HP1BP3: variants seen among roughly 807,000 people sequenced by gnomAD.
HP1BP3 encodes the protein heterochromatin protein 1-binding protein 3.
Under a neutral mutation model 62.5 loss-of-function variants are expected in HP1BP3, and 12 were observed. The observed-to-expected ratio is 0.19, with a 90% CI of 0.12 to 0.31. The LOEUF is 0.31. HP1BP3 is among the 10% of genes least tolerant of loss of function. The pLI is 1.00. For synonymous variants in HP1BP3, 260 were observed against 237.8 expected, an observed-to-expected ratio of 1.09 and a Z score of -0.86; for missense variants, 502 against 651.8, an observed-to-expected ratio of 0.77 and a Z score of 2.50.
intron 12 of HP1BP3, 47 bp from the exon 13 acceptor site, chr1:20,745,138 T>G (rs1376964765): frequency 6.5e-7 from 1 of 1,540,656 alleles, no homozygotes; most frequent in Non-Finnish European, 8.7e-7. Flanking sequence ...CTTAAGAGAT[T>G]CGTTTTGTTG....
In HP1BP3 at chr1:20,745,053, G is replaced by T; in HGVS notation, c.1406C>A (p.Ala469Asp). 1.9e-6 allele frequency: 3 copies of T among 1,613,336 alleles called. No homozygotes were observed. The highest frequency in any genetic ancestry group is 2.5e-6 in the Non-Finnish European group (3 of 1,179,780). Reference protein sequence around the residue: ...KKTPAKSPGKAASVKQRGSKP... With the variant: ...KKTPAKSPGKDASVKQRGSKP... Reference sequence around the variant, plus strand: ...GGACCCTCTCTGCTTCACAGATGCGGCCTTCCCTGGGGACTTGGCTGGGGT... The same window carrying T: ...GGACCCTCTCTGCTTCACAGATGCGTCCTTCCCTGGGGACTTGGCTGGGGT... The change falls in exon 13 of 13, where the codon GCC (alanine) becomes GAC (aspartate). Residue 469 changes from alanine to aspartate, a missense_variant. Coordinates refer to ENST00000438032, the MANE Select transcript of HP1BP3 (RefSeq NM_001372052.1).
chr1:20,768,576 A>G (rs1008829561), intron 6 of HP1BP3, among the ~76,000 whole-genome samples: 2 of 152,200 alleles, frequency 1.3e-5, no homozygotes, highest in Non-Finnish European at 2.9e-5. Context: ...ACGGTGGTTC[A>G]TTCCTATAAT....
At chr1:20,786,003 T>G (rs2057805487) in intron 1 of HP1BP3, among the ~76,000 whole-genome samples, 2 of 152,238 alleles carry the variant, frequency 1.3e-5, no homozygotes, top group African/African-American at 4.8e-5. Flanking sequence ...ATTCTCACTT[T>G]TTAATGCAAT....
At chr1:20,761,519 G>GA (rs1198986905) in intron 8 of HP1BP3, among the ~76,000 whole-genome samples, 1 of 121,916 alleles carries the variant, frequency 8.2e-6, no homozygotes, top group African/African-American at 3.1e-5. Flanking sequence ...TTTTTGGGGG[G>GA]AGAGGGAGCA....
chr1:20,781,618 A>T (rs2057551896), intron 1 of HP1BP3, among the ~76,000 whole-genome samples: 1 of 152,152 alleles, frequency 6.6e-6, no homozygotes, highest in Non-Finnish European at 1.5e-5. Context: ...AATATCCATT[A>T]ATATTAAATT....
At chr1:20,756,859 G>A (rs551130979) in intron 9 of HP1BP3, among the ~76,000 whole-genome samples, 1 of 152,168 alleles carries the variant, frequency 6.6e-6, no homozygotes, top group South Asian at 2.1e-4. Flanking sequence ...GGGACCACAG[G>A]CATGTGCCCC....
At chr1:20,761,681 A>G (rs2056491303) in intron 8 of HP1BP3, among the ~76,000 whole-genome samples, 1 of 152,214 alleles carries the variant, frequency 6.6e-6, no homozygotes, top group African/African-American at 2.4e-5. Flanking sequence ...TGGTATTTAC[A>G]GTTTTGCAAG....
At chr1:20,779,948 A>C in intron 2 of HP1BP3, 37 bp from the exon 3 acceptor site, 1 of 1,527,272 alleles carries the variant, frequency 6.5e-7, no homozygotes, top group Non-Finnish European at 9.0e-7. Context: ...ACATGCATTA[A>C]AAAATTCTCT....
intron 8 of HP1BP3, among the ~76,000 whole-genome samples, chr1:20,763,039 A>T (rs1047919792): frequency 2.0e-5 from 3 of 152,060 alleles, no homozygotes; most frequent in African/African-American, 7.2e-5. Context: ...GTTGTTTAAA[A>T]CAACTGGTTG....
chr1:20,757,270 C>CAA lies in HP1BP3; in HGVS notation c.891-16_891-15dup, dbSNP rs761522555. The CAA allele has an allele frequency of 1.3e-5, 18 of 1,364,790 alleles. No homozygotes were observed. The highest frequency in any genetic ancestry group is 2.8e-5 in the South Asian group (2 of 71,766). The allele number at this position is 1,364,790 out of a possible 1,614,324, so 84.5% of individuals were successfully genotyped here. ...AACAGCTGAGGCCTGCAAAGAAAAA[C>CAA]AAAAAAAAAATAGTGATAAATACAT... On this transcript the variant is annotated splice_polypyrimidine_tract_variant and intron_variant, in intron 8 of 12. Coordinates refer to ENST00000438032, the MANE Select transcript of HP1BP3 (RefSeq NM_001372052.1).
chr1:20,755,817 A>T (rs2056070537), intron 9 of HP1BP3, among the ~76,000 whole-genome samples: 2 of 152,240 alleles, frequency 1.3e-5, no homozygotes, highest in Admixed American at 1.3e-4. Flanking sequence ...AATAAAAAAG[A>T]ATGAAAGCAC....
chr1:20,764,603 A>C (rs2056669973), intron 8 of HP1BP3, among the ~76,000 whole-genome samples: 1 of 150,996 alleles, frequency 6.6e-6, no homozygotes, highest in African/African-American at 2.4e-5. Context: ...GAAGATACAC[A>C]GTTCAATACT....
chr1:20,780,760 C>T (rs2057506964), intron 1 of HP1BP3, among the ~76,000 whole-genome samples: 1 of 152,126 alleles, frequency 6.6e-6, no homozygotes, highest in Non-Finnish European at 1.5e-5. Context: ...TTGCACCTTC[C>T]ACATGAACAA....
In HP1BP3 at chr1:20,742,919, T is replaced by C. The variant is rs1356224049; in HGVS notation, c.*1878A>G. On this transcript the variant is annotated 3_prime_UTR_variant, in exon 13 of 13. Coordinates refer to ENST00000438032, the MANE Select transcript of HP1BP3 (RefSeq NM_001372052.1). ...GGAATGAATAAGAAACAAACATCTT[T>C]TGCCTCTGGCAGTACTCAAGGGGCC... 6.6e-6 allele frequency: 1 copy of C among 152,616 alleles called. No homozygotes were observed. The highest frequency in any genetic ancestry group is 6.5e-5 in the Admixed American group (1 of 15,282). The allele number at this position is 152,616 out of a possible 1,614,324, so 9.5% of individuals were successfully genotyped here. A position where few individuals can be genotyped will look rare whatever the true frequency, so the allele number is the denominator to read the frequency against.
chr1:20,770,231 A>G (rs1440732836), intron 6 of HP1BP3, among the ~76,000 whole-genome samples: 1 of 152,216 alleles, frequency 6.6e-6, no homozygotes, highest in Non-Finnish European at 1.5e-5. Flanking sequence ...AGGTGAGCAC[A>G]TTTATGAAGC....
At chr1:20,768,850 A>G (rs143724422) in intron 6 of HP1BP3, among the ~76,000 whole-genome samples, 14 of 152,292 alleles carry the variant, frequency 9.2e-5, no homozygotes, top group African/African-American at 3.1e-4. Flanking sequence ...GATTCACAAT[A>G]ACTAAAGTCC....
rs200168528 is a variant in HP1BP3 at position 20,765,415 on chromosome 1, A to G, written c.852T>C (p.Tyr284=). 1.8e-5 allele frequency: 29 copies of G among 1,613,242 alleles called. No individual in the cohort carries two copies. Among genetic ancestry groups the G allele is most frequent in the Non-Finnish European group, 2.2e-5 (26 of 1,179,572 alleles). Residue 284 remains tyrosine, a synonymous_variant, in exon 8 of 13, where the codon TAT becomes TAC. Transcript: ENST00000438032. ...TAAGCTTAGGATAATACTGAGACAC[A>G]TATTTCCTGATGAGACTGTAGGAAG... ...KEASYSLIRK[Y]VSQYYPKLRV... is the part of the protein sequence containing the mutation.
intron 9 of HP1BP3, among the ~76,000 whole-genome samples, chr1:20,755,649 G>C (rs1448532270): frequency 6.6e-6 from 1 of 152,032 alleles, no homozygotes; most frequent in African/African-American, 2.4e-5. Context: ...ATATGGCCCA[G>C]CAAGTCCTAA....
chr1:20,753,475 A>G (rs1214510137), intron 9 of HP1BP3, among the ~76,000 whole-genome samples: 2 of 152,258 alleles, frequency 1.3e-5, no homozygotes, highest in African/African-American at 4.8e-5. Flanking sequence ...TACTGTTCTT[A>G]TAAGATCAGT....
Sources: gnomAD v4.1 joint callset for allele counts (sites outside exome capture counted in the v4.1 genomes callset) on GRCh38, gnomAD v4.1.1 for gene constraint, MANE v1.5 for transcripts, NCBI Gene and HGNC (gene_info 2026-07-23, HGNC 2026-07-21) for gene names.